Variants in ATG13 observed in about 807,000 individuals in gnomAD.
The protein encoded by ATG13 is autophagy related 13.
A neutral mutation model predicts 65.5 loss-of-function variants in ATG13; 23 were observed. The observed-to-expected ratio is 0.35, with a 90% confidence interval of 0.25 to 0.50. ATG13 has a LOEUF of 0.50. Ranked by LOEUF, ATG13 falls within the 20% of genes least tolerant of loss-of-function variation. The pLI, the probability that ATG13 is intolerant of heterozygous loss-of-function variation, is 0.98. For synonymous variants in ATG13, 252 were observed against 245.2 expected (o/e 1.03, Z -0.26); for missense variants, 566 against 677.0 (o/e 0.84, Z 1.82).
chr11:46,657,245 T>G, intron 9 of ATG13, 54 bp downstream of exon 9: 22 of 1,491,016 alleles, frequency 1.5e-5, no homozygotes, highest in Non-Finnish European at 2.1e-5. Flanking sequence ...TTAAAGTTTT[T>G]TTTCTCCTAA....
chr11:46,664,480 T>G (rs977556032), intron 12 of ATG13, among the ~76,000 whole-genome samples: 99 of 152,314 alleles, frequency 6.5e-4, no homozygotes, highest in African/African-American at 2.3e-3. Context: ...GAGAATAGAA[T>G]GACTTTGGAG....
At chr11:46,661,203 G>A (rs1273452809) in intron 11 of ATG13, among the ~76,000 whole-genome samples, 1 of 152,100 alleles carries the variant, frequency 6.6e-6, no homozygotes, top group African/African-American at 2.4e-5. Context: ...ATCTTTGGTT[G>A]TTGGAGGAGA....
intron 14 of ATG13, among the ~76,000 whole-genome samples, chr11:46,667,062 T>A (rs940443554): frequency 2.0e-5 from 3 of 152,174 alleles, no homozygotes; most frequent in Non-Finnish European, 4.4e-5. Context: ...TTGGGACATA[T>A]CCAGGAGTAG....
intron 7 of ATG13, among the ~76,000 whole-genome samples, chr11:46,654,386 C>T (rs963965392): frequency 6.1e-5 from 9 of 147,770 alleles, no homozygotes; most frequent in Non-Finnish European, 1.3e-4. Context: ...GTGGCTCATG[C>T]CTGTGATCCC....
intron 7 of ATG13, 111 bp downstream of exon 7, chr11:46,650,428 G>T (rs1437192191): frequency 4.3e-6 from 6 of 1,392,764 alleles, no homozygotes; most frequent in Non-Finnish European, 5.8e-6. Context: ...TTGGTTTGTT[G>T]GATTATTGAT....
rs1426657362 is a variant in ATG13 at position 46,635,699 on chromosome 11, G to A, written c.-14+5599G>A. Among the ~76,000 whole-genome samples the A allele has an allele frequency of 2.0e-5, 3 of 152,204 alleles. No homozygotes were observed. In the East Asian group the frequency reaches 5.8e-4, roughly 29 times the overall value. On this transcript the variant is annotated intron_variant, in intron 2 of 18. Coordinates refer to ENST00000683050, the MANE Select transcript of ATG13 (RefSeq NM_001346311.2). ...TTGTAGAGGATGAATTGACTGCTTG[G>A]TTAACTGGACCTAAGGGAACACATA...
intron 3 of ATG13, among the ~76,000 whole-genome samples, 192 bp from the exon 4 acceptor site, chr11:46,645,147 A>G (rs1241816828): frequency 2.6e-5 from 4 of 152,190 alleles, no homozygotes; most frequent in Non-Finnish European, 5.9e-5. Context: ...GAATGTTTAT[A>G]AAGTTATTTT....
intron 5 of ATG13, among the ~76,000 whole-genome samples, chr11:46,648,176 A>C (rs1158358412): frequency 1.3e-5 from 2 of 151,738 alleles, no homozygotes; most frequent in Non-Finnish European, 2.9e-5. Flanking sequence ...GCTCACTGCA[A>C]CCTTCCCCTC....
intron 2 of ATG13, among the ~76,000 whole-genome samples, chr11:46,634,584 A>G (rs973719339): frequency 4.6e-5 from 7 of 151,650 alleles, no homozygotes; most frequent in Non-Finnish European, 7.4e-5. Context: ...TAGTAGAGAC[A>G]GGGTTTTACC....
chr11:46,620,566 G>C (rs946033324), intron 1 of ATG13, among the ~76,000 whole-genome samples: 1 of 151,678 alleles, frequency 6.6e-6, no homozygotes, highest in Non-Finnish European at 1.5e-5. Context: ...ACCTGAGTTC[G>C]GGAGTTTGAG....
At chr11:46,634,770 C>T (rs1008144135) in intron 2 of ATG13, among the ~76,000 whole-genome samples, 6 of 152,042 alleles carry the variant, frequency 3.9e-5, no homozygotes, top group Non-Finnish European at 8.8e-5. Context: ...GGCACGATCT[C>T]GGCTCACTGC....
chr11:46,639,022 C>G (rs564283088), intron 2 of ATG13, among the ~76,000 whole-genome samples: 6 of 152,034 alleles, frequency 3.9e-5, no homozygotes, highest in Middle Eastern at 3.4e-3. Context: ...GAGTCTCGCT[C>G]TGTTGCCCTG....
chr11:46,622,705 C>T (rs1565402030), intron 1 of ATG13, among the ~76,000 whole-genome samples: 1 of 152,168 alleles, frequency 6.6e-6, no homozygotes, highest in African/African-American at 2.4e-5. Flanking sequence ...GTATGTTCTG[C>T]TTTTATAATG....
At chr11:46,630,568 CTTT>C (rs35243801) in intron 2 of ATG13, among the ~76,000 whole-genome samples, 3 of 120,706 alleles carry the variant, frequency 2.5e-5, no homozygotes. Context: ...AAATTAGAGG[CTTT>C]TTTTTTTTTT....
intron 13 of ATG13, 33 bp downstream of exon 13, chr11:46,664,992 C>T: frequency 1.3e-6 from 2 of 1,584,618 alleles, no homozygotes; most frequent in Non-Finnish European, 1.7e-6. Flanking sequence ...CTATGGGTTT[C>T]CAGTGCTGCC....
chr11:46,657,398 G>C lies in ATG13; in HGVS notation c.597-126G>C. On this transcript the variant is annotated intron_variant, in intron 9 of 18. Transcript: ENST00000683050. ...ACGTAGGATTGGTGGTTTATATTTA[G>C]GGATTGTGATAGTTAAAGCTCTGGT... 3 of 1,033,694 alleles carry C rather than the reference G, an allele frequency of 2.9e-6. No homozygotes were observed. The South Asian group carries it at 4.2e-5, about 14-fold the overall frequency. The allele number at this position is 1,033,694 out of a possible 1,614,324, so 64.0% of individuals were successfully genotyped here.
In ATG13 at chr11:46,617,557, A is replaced by T. The variant is rs1183352718; in HGVS notation, c.-403A>T. On this transcript the variant is annotated 5_prime_UTR_variant, in exon 1 of 19. Coordinates refer to ENST00000683050, the MANE Select transcript of ATG13 (RefSeq NM_001346311.2). ...CCTCTTTCACCCCCCCCCCCCGGCC[A>T]TTACCGAAGCGGATGAAAACAAACA... is the stretch of plus-strand genomic sequence containing the variant. 28 of 36,928 alleles carry T rather than the reference A, an allele frequency of 7.6e-4. No individual in the cohort carries two copies. The highest frequency in any genetic ancestry group is 2.9e-3 in the South Asian group (3 of 1,026). The allele number at this position is 36,928 out of a possible 1,614,324, so 2.3% of individuals were successfully genotyped here. A position where few individuals can be genotyped will look rare whatever the true frequency, so the allele number is the denominator to read the frequency against.
chr11:46,630,701 G>C (rs1403803866), intron 2 of ATG13, among the ~76,000 whole-genome samples: 2 of 150,296 alleles, frequency 1.3e-5, no homozygotes, highest in Non-Finnish European at 2.9e-5. Context: ...CCTCCCAGTA[G>C]CTGGCTCTAC....
In ATG13 at chr11:46,664,034, C is replaced by G. The variant is rs182634484; in HGVS notation, c.827C>G (p.Pro276Arg). Residue 276 changes from proline to arginine, a missense_variant, in exon 12 of 19, where the codon CCT (proline) becomes CGT (arginine). By Grantham distance (103) the Pro-to-Arg change is moderately radical. Coordinates refer to ENST00000683050, the MANE Select transcript of ATG13 (RefSeq NM_001346311.2). ...FTVTKAHFQT[P>R]TPVVTDTLRV... The stretch of plus-strand genomic sequence containing the variant: ...GTCACAAAGGCACATTTTCAGACCC[C>G]TACTCCTGTGGTGACGGACACCCTG... The G allele has an allele frequency of 1.9e-6, 3 of 1,597,748 alleles. No individual in the cohort carries two copies. The highest frequency in any genetic ancestry group is 2.5e-6 in the Non-Finnish European group (3 of 1,179,626).
Sources: gnomAD v4.1 joint callset for allele counts (sites outside exome capture counted in the v4.1 genomes callset) on GRCh38, gnomAD v4.1.1 for gene constraint, MANE v1.5 for transcripts, NCBI Gene and HGNC (gene_info 2026-07-23, HGNC 2026-07-21) for gene names.